The following CFAP20DC variants were observed in gnomAD, a reference collection of about 807,000 sequenced individuals.
CFAP20DC encodes protein CFAP20DC.
Under a neutral mutation model 101.7 loss-of-function variants are expected in CFAP20DC, and 84 were observed. That is an observed-to-expected ratio of 0.83 (90% CI 0.69 to 0.99). CFAP20DC has a LOEUF of 0.99. Among genes scored for constraint, CFAP20DC ranks in the 50% least tolerant of loss-of-function variants. The pLI is 0.00. For missense variants in CFAP20DC, 1,007 were observed against 970.3 expected, an observed-to-expected ratio of 1.04 and a Z score of -0.50; for synonymous variants, 359 against 351.2, an observed-to-expected ratio of 1.02 and a Z score of -0.25.
chr3:58,974,110 T>C (rs1443239485), intron 4 of CFAP20DC, among the ~76,000 whole-genome samples: 1 of 151,836 alleles, frequency 6.6e-6, no homozygotes, highest in Non-Finnish European at 1.5e-5. Flanking sequence ...GAAGGGAGGA[T>C]TTTTCTTTTT....
chr3:58,855,229 T>C (rs1171517882), intron 12 of CFAP20DC, among the ~76,000 whole-genome samples: 5 of 151,992 alleles, frequency 3.3e-5, no homozygotes, highest in Non-Finnish European at 7.4e-5. Flanking sequence ...AAAAAACACA[T>C]GAAAAAATGC....
intron 6 of CFAP20DC, among the ~76,000 whole-genome samples, chr3:58,906,225 C>T (rs562913083): frequency 2.6e-5 from 4 of 152,286 alleles, no homozygotes; most frequent in Admixed American, 6.5e-5. Flanking sequence ...TCACCATCCC[C>T]ACTACCGTCA....
At position 58,913,398 on chromosome 3, in the gene CFAP20DC, T is replaced by C. The variant is rs2084346719; in HGVS notation, c.550+310A>G. Among the ~76,000 whole-genome samples, 2 of 152,132 alleles carry C rather than the reference T, an allele frequency of 1.3e-5. 1 individual carries two copies. The highest frequency in any genetic ancestry group is 4.1e-4 in the South Asian group (2 of 4,832). On this transcript the variant is annotated intron_variant, in intron 6 of 16. Coordinates refer to ENST00000482387, the MANE Select transcript of CFAP20DC (RefSeq NM_001394063.1). This position sits in a 1 kb window ranked among gnomAD's most constrained non-coding sequence, Gnocchi z 4.4. The stretch of plus-strand genomic sequence containing the variant: ...TGTCTGATTTCCTTAAATAAATTCC[T>C]GTTCTTTTTCAACCACCTAAAGAGG...
rs2091401439 is a variant in CFAP20DC, at chr3:58,964,611, G to A, written c.279-26849C>T. Among the ~76,000 whole-genome samples the A allele has an allele frequency of 1.3e-5, 2 of 152,228 alleles. No individual in the cohort carries two copies. Among genetic ancestry groups the A allele is most frequent in the East Asian group, 3.9e-4 (2 of 5,182 alleles). On this transcript the variant is annotated intron_variant, in intron 4 of 16. Coordinates refer to ENST00000482387, the MANE Select transcript of CFAP20DC (RefSeq NM_001394063.1). The surrounding 1 kb of genome is among the most constrained non-coding windows in gnomAD (Gnocchi z 4.1). Reference sequence around the variant, plus strand: ...AGTTCTCTTTTCTAGACTTATAAATGCTGTGATTTTTAAGTTAACACCTAC... The same window carrying A: ...AGTTCTCTTTTCTAGACTTATAAATACTGTGATTTTTAAGTTAACACCTAC...
Position 58,863,479 on chromosome 3 carries a change from A to AT in CFAP20DC, c.1593+78dup. 1 of 1,550,502 alleles carries AT rather than the reference A, an allele frequency of 6.4e-7. No homozygotes were observed. Among genetic ancestry groups the AT allele is most frequent in the Non-Finnish European group, 8.7e-7 (1 of 1,149,662 alleles). ...AATAGCAGTTGATTTTCCCTCTTTC[A>AT]TTTCAACTTGTTTTAGTGCTTATTG... On this transcript the variant is annotated intron_variant, in intron 12 of 16. Coordinates refer to ENST00000482387, the MANE Select transcript of CFAP20DC (RefSeq NM_001394063.1). This position sits in a 1 kb window ranked among gnomAD's most constrained non-coding sequence, Gnocchi z 5.9.
At chr3:58,925,166 T>C (rs75659417) in intron 5 of CFAP20DC, among the ~76,000 whole-genome samples, 2,135 of 152,256 alleles carry the variant, frequency 0.014, 51 homozygotes, top group African/African-American at 0.049. Context: ...TTTCCCCACT[T>C]TGTATATCTA....
At position 58,882,569 on chromosome 3, in the gene CFAP20DC, A is replaced by G. The variant is rs2081303789; in HGVS notation, c.715+1976T>C. 6.6e-6 allele frequency among the ~76,000 whole-genome samples: 1 copy of G among 152,058 alleles called. No homozygotes were observed. The highest frequency in any genetic ancestry group is 2.4e-5 in the African/African-American group (1 of 41,418). ...AGATATAGCATTTGTTATAGAACAC[A>G]CTCTTATTTTATTCTGTGGTACATC... On this transcript the variant is annotated intron_variant, in intron 7 of 16. Transcript: ENST00000482387. The surrounding 1 kb of genome is among the most constrained non-coding windows in gnomAD (Gnocchi z 4.2).
intron 4 of CFAP20DC, 35 bp downstream of exon 4, chr3:59,039,522 A>C: frequency 7.9e-7 from 1 of 1,271,634 alleles, no homozygotes; most frequent in South Asian, 1.3e-5. Context: ...TGTCTAATAC[A>C]CACAAAACAT....
At chr3:58,797,713 G>A (rs181201894) in intron 15 of CFAP20DC, among the ~76,000 whole-genome samples, 23 of 152,180 alleles carry the variant, frequency 1.5e-4, no homozygotes, top group African/African-American at 5.5e-4. Flanking sequence ...TAGAGGAGAA[G>A]TCAATGTCTG....
intron 6 of CFAP20DC, among the ~76,000 whole-genome samples, chr3:58,889,235 G>A (rs910969937): frequency 7.2e-5 from 11 of 152,266 alleles, no homozygotes; most frequent in African/African-American, 2.2e-4. Context: ...ACTGGGCAGC[G>A]TAGTTCTAGA....
At chr3:58,871,065 A>G (rs1168495150) in intron 7 of CFAP20DC, among the ~76,000 whole-genome samples, 4 of 152,152 alleles carry the variant, frequency 2.6e-5, no homozygotes, top group Non-Finnish European at 5.9e-5. Context: ...GTGACACAAA[A>G]TGGAGAATGG....
chr3:59,030,643 C>T (rs2093973013), intron 4 of CFAP20DC, among the ~76,000 whole-genome samples: 1 of 152,012 alleles, frequency 6.6e-6, no homozygotes, highest in South Asian at 2.1e-4. Context: ...AGTCATTATC[C>T]CCAACACCCC....
chr3:58,775,219 G>A (rs1402486425), intron 15 of CFAP20DC, among the ~76,000 whole-genome samples: 1 of 152,138 alleles, frequency 6.6e-6, no homozygotes, highest in Non-Finnish European at 1.5e-5. Context: ...AGCAAGGAGG[G>A]GGCTTTCAGG....
At chr3:58,725,499 A>T (rs1439630821) in intron 3 of CFAP20DC, among the ~76,000 whole-genome samples, 1 of 152,216 alleles carries the variant, frequency 6.6e-6, no homozygotes, top group Non-Finnish European at 1.5e-5. Context: ...TGTAACCAAC[A>T]CGACGGGTGG....
chr3:59,026,958 C>G (rs529740910), intron 4 of CFAP20DC, among the ~76,000 whole-genome samples: 3 of 152,018 alleles, frequency 2.0e-5, no homozygotes, highest in African/African-American at 7.3e-5. Context: ...ACCTAAACTC[C>G]GTAAAATTCT....
chr3:58,870,025 TA>T (rs2080012382), intron 8 of CFAP20DC, 147 bp downstream of exon 8: 1 of 683,676 alleles, frequency 1.5e-6, no homozygotes, highest in Non-Finnish European at 2.3e-6. Context: ...GTTCCAAATT[TA>T]TTCAAGCCTT....
chr3:59,028,668 A>G (rs2093934497), intron 4 of CFAP20DC, among the ~76,000 whole-genome samples: 1 of 152,216 alleles, frequency 6.6e-6, no homozygotes, highest in Non-Finnish European at 1.5e-5. Context: ...AAGAGTTAGT[A>G]GCTGGCAAGT....
intron 3 of CFAP20DC, among the ~76,000 whole-genome samples, chr3:58,720,692 T>C (rs1403087439): frequency 6.6e-6 from 1 of 152,232 alleles, no homozygotes; most frequent in Non-Finnish European, 1.5e-5. Flanking sequence ...ATAATCTCAC[T>C]ATAAATGTGC....
intron 4 of CFAP20DC, among the ~76,000 whole-genome samples, chr3:58,977,039 G>T (rs2092308481): frequency 6.6e-6 from 1 of 152,014 alleles, no homozygotes; most frequent in African/African-American, 2.4e-5. Flanking sequence ...AAGTGTTTGG[G>T]GTCTTTATTT....
Sources: gnomAD v4.1 joint callset for allele counts (sites outside exome capture counted in the v4.1 genomes callset) on GRCh38, gnomAD v4.1.1 for gene constraint, Gnocchi (gnomAD v3.1) non-coding constraint, MANE v1.5 for transcripts, NCBI Gene and HGNC (gene_info 2026-07-23, HGNC 2026-07-21) for gene names.